ASB5: variants seen among roughly 807,000 people sequenced by gnomAD.
The protein encoded by ASB5 is ankyrin repeat and SOCS box containing 5.
A neutral mutation model predicts 42.1 loss-of-function variants in ASB5; 45 were observed. The observed-to-expected ratio is 1.07, with a 90% confidence interval of 0.84 to 1.37. ASB5 has a LOEUF of 1.37. ASB5 is among the 40% of genes most tolerant of loss of function. The pLI is 0.00. For synonymous variants in ASB5, 147 were observed against 150.6 expected (o/e 0.98, Z 0.18); for missense variants, 402 against 399.8 (o/e 1.01, Z -0.05).
chr4:176,223,224 A>G (rs1413205498), intron 2 of ASB5, among the ~76,000 whole-genome samples: 1 of 152,188 alleles, frequency 6.6e-6, no homozygotes, highest in Non-Finnish European at 1.5e-5. Context: ...TCTGACTATA[A>G]AATCAATTAG....
At position 176,225,260 on chromosome 4, in the gene ASB5, A is replaced by T; in HGVS notation, c.276+2T>A. On this transcript the variant is annotated splice_donor_variant, in intron 2 of 6. Coordinates refer to ENST00000296525, the MANE Select transcript of ASB5 (RefSeq NM_080874.4). LOFTEE classifies it high-confidence loss of function. ...TATTTTAAACTATATGTAATATATTACCTGTGATAATAATGTTCTCAGAGC... is the reference window on the plus strand; with the variant it reads ...TATTTTAAACTATATGTAATATATTTCCTGTGATAATAATGTTCTCAGAGC... 1 of 1,607,820 alleles carries T rather than the reference A, an allele frequency of 6.2e-7. No individual in the cohort carries two copies. The highest frequency in any genetic ancestry group is 8.5e-7 in the Non-Finnish European group (1 of 1,174,268).
At chr4:176,243,529 G>T (rs1044173260) in intron 1 of ASB5, among the ~76,000 whole-genome samples, 5 of 151,820 alleles carry the variant, frequency 3.3e-5, no homozygotes, top group African/African-American at 1.2e-4. Flanking sequence ...TTGGAGACAG[G>T]TCTTACTCTG....
chr4:176,234,289 C>G (rs1753627955), intron 1 of ASB5, among the ~76,000 whole-genome samples: 1 of 152,208 alleles, frequency 6.6e-6, no homozygotes, highest in Non-Finnish European at 1.5e-5. Context: ...GTTCTACCCA[C>G]TTTTTCCTAG....
intron 1 of ASB5, among the ~76,000 whole-genome samples, chr4:176,276,251 A>G (rs983442466): frequency 2.0e-5 from 3 of 152,180 alleles, no homozygotes; most frequent in African/African-American, 7.2e-5. Context: ...CTACATTGTA[A>G]TTATTACTTT....
intron 1 of ASB5, among the ~76,000 whole-genome samples, chr4:176,228,699 T>G (rs549007623): frequency 4.6e-4 from 70 of 152,314 alleles, no homozygotes; most frequent in Middle Eastern, 3.4e-3. Context: ...CAGCAAATAT[T>G]TTTTGGTAGG....
At chr4:176,258,836 A>G (rs1314474112) in intron 1 of ASB5, among the ~76,000 whole-genome samples, 2 of 152,130 alleles carry the variant, frequency 1.3e-5, no homozygotes, top group Non-Finnish European at 2.9e-5. Flanking sequence ...ATGCTTTTTC[A>G]AAAAAATAGT....
At chr4:176,234,324 C>G (rs974489431) in intron 1 of ASB5, among the ~76,000 whole-genome samples, 2 of 152,224 alleles carry the variant, frequency 1.3e-5, no homozygotes, top group African/African-American at 4.8e-5. Context: ...TCCAGACATA[C>G]TGGCCTCCTT....
chr4:176,230,310 A>G (rs1401044750), intron 1 of ASB5, among the ~76,000 whole-genome samples: 1 of 152,188 alleles, frequency 6.6e-6, no homozygotes, highest in Non-Finnish European at 1.5e-5. Flanking sequence ...TGACTAAAAT[A>G]TTTTTGTGTG....
chr4:176,236,575 A>G (rs745748118), intron 1 of ASB5, among the ~76,000 whole-genome samples: 1 of 152,214 alleles, frequency 6.6e-6, no homozygotes, highest in Non-Finnish European at 1.5e-5. Context: ...ATAGTGTTTT[A>G]GCCTATTTGA....
rs746147996 is a variant in ASB5, at chr4:176,221,175, A to G, written c.650T>C (p.Ile217Thr). 6.2e-7 allele frequency: 1 copy of G among 1,613,714 alleles called. No homozygotes were observed. Among genetic ancestry groups the G allele is most frequent in the Admixed American group, 1.7e-5 (1 of 59,908 alleles). The change falls in exon 5 of 7, where the codon ATC becomes ACC. Residue 217 changes from isoleucine to threonine, a missense_variant. Transcript: ENST00000296525. ...VACMSQQFHC[I>T]WKLLYAGADV... ...AATACCAGCATAAAGAAGCTTCCAG[A>G]TGCAATGGAATTGCTGTGACATACA...
intron 1 of ASB5, among the ~76,000 whole-genome samples, chr4:176,237,960 G>A (rs934410472): frequency 4.6e-5 from 7 of 152,146 alleles, no homozygotes; most frequent in Admixed American, 2.6e-4. Context: ...GGTGGCTCAC[G>A]CCTGTAATCC....
intron 1 of ASB5, among the ~76,000 whole-genome samples, chr4:176,251,564 TAAAAAAAAAAAAAA>T (rs34392287): frequency 5.3e-3 from 55 of 10,328 alleles, no homozygotes; most frequent in African/African-American, 0.021. Context: ...TCTGTCTCAT[TAAAAAAAAAAAAAA>T]AAAAAAAAAA....
At chr4:176,240,332 G>C (rs937746284) in intron 1 of ASB5, among the ~76,000 whole-genome samples, 1 of 152,260 alleles carries the variant, frequency 6.6e-6, no homozygotes, top group South Asian at 2.1e-4. Flanking sequence ...AACCTTATAG[G>C]ATATGAAACA....
intron 2 of ASB5, among the ~76,000 whole-genome samples, chr4:176,274,889 C>T (rs1015292985): frequency 4.6e-5 from 7 of 151,320 alleles, no homozygotes; most frequent in East Asian, 1.9e-4. Flanking sequence ...AGTGATCTTT[C>T]CAGTACTTCC....
chr4:176,231,342 AAAAACAGCT>A (rs1753538358), intron 1 of ASB5, among the ~76,000 whole-genome samples: 1 of 152,116 alleles, frequency 6.6e-6, no homozygotes, highest in African/African-American at 2.4e-5. Flanking sequence ...CTCCAAAAAG[AAAAACAGCT>A]TTTGAAAAGG....
intron 1 of ASB5, among the ~76,000 whole-genome samples, chr4:176,240,149 A>T (rs764927839): frequency 6.6e-6 from 1 of 152,200 alleles, no homozygotes; most frequent in African/African-American, 2.4e-5. Context: ...ATGAGTGGAC[A>T]GAAGTTTTAA....
rs544254554 is a variant in ASB5, at chr4:176,221,654, C to A, written c.385-54G>T. The A allele has an allele frequency of 2.3e-4, 328 of 1,451,604 alleles. 7 individuals are homozygous for A. In the South Asian group the frequency reaches 3.9e-3, roughly 17 times the overall value. 89.9% of individuals were successfully genotyped at this position (1,451,604 alleles called of 1,614,324 possible). A position where few individuals can be genotyped will look rare whatever the true frequency, so the allele number is the denominator to read the frequency against. On this transcript the variant is annotated intron_variant, in intron 3 of 6. Coordinates refer to ENST00000296525, the MANE Select transcript of ASB5 (RefSeq NM_080874.4). ...AGATTCATAAGTCATACATGAGTAA[C>A]CGACTTAGGCATTGTCAAAAGGTAT...
upstream of ASB5, among the ~76,000 whole-genome samples, chr4:176,272,030 C>A (rs35070844): frequency 0.18 from 27,847 of 151,894 alleles, 3,326 homozygotes; most frequent in Middle Eastern, 0.32. Context: ...TAATCAGGAA[C>A]CTAAATTACT....
At chr4:176,236,236 A>G (rs2126959198) in intron 1 of ASB5, among the ~76,000 whole-genome samples, 1 of 152,084 alleles carries the variant, frequency 6.6e-6, no homozygotes, top group South Asian at 2.1e-4. Flanking sequence ...TTTAGTGCAT[A>G]GTTAGGTAAC....
Sources: allele counts gnomAD v4.1 joint callset (sites outside exome capture counted in the v4.1 genomes callset), GRCh38; gene constraint gnomAD v4.1.1; transcripts MANE v1.5; gene names NCBI Gene and HGNC (gene_info 2026-07-23, HGNC 2026-07-21).